Variants in KIF20B observed in about 807,000 individuals in gnomAD.
KIF20B encodes kinesin-like protein KIF20B.
KIF20B carries 188 observed loss-of-function variants against 232.5 expected under a neutral mutation model. That is an observed-to-expected ratio of 0.81 (90% confidence interval 0.72 to 0.91). The LOEUF (loss-of-function observed/expected upper bound fraction) is 0.91, where lower values mean the gene tolerates loss of function less well. KIF20B is among the 40% of genes least tolerant of loss of function. The pLI is 0.00. For missense variants in KIF20B, 2,154 were observed against 2,055.9 expected, an observed-to-expected ratio of 1.05 and a Z score of -0.92; for synonymous variants, 712 against 683.0, an observed-to-expected ratio of 1.04 and a Z score of -0.66.
At chr10:89,748,070 C>T (rs532354519) in intron 23 of KIF20B, among the ~76,000 whole-genome samples, 14 of 152,300 alleles carry the variant, frequency 9.2e-5, no homozygotes, top group Admixed American at 7.2e-4. Context: ...AGTGCAGTGG[C>T]ACAATCTCAG....
chr10:89,766,349 GAGA>G (rs1374105426), intron 29 of KIF20B: 1 of 154,024 alleles, frequency 6.5e-6, no homozygotes, highest in Admixed American at 6.6e-5. Flanking sequence ...GACAAATTGA[GAGA>G]AGAAGGCTTC....
Position 89,771,659 on chromosome 10 carries a change from G to C in KIF20B, c.5243-1030G>C, listed in dbSNP as rs1377230211. Among the ~76,000 whole-genome samples, 3 of 151,992 alleles carry C rather than the reference G, an allele frequency of 2.0e-5. No individual in the cohort carries two copies. The East Asian group carries it at 5.8e-4, about 29-fold the overall frequency. ...GGCCTTCTTATGGAGGGGAACAGGA[G>C]GGGGAACCTTGAAGACGCTTTTCTC... On this transcript the variant is annotated intron_variant, in intron 31 of 32. Coordinates refer to ENST00000371728, the MANE Select transcript of KIF20B (RefSeq NM_001284259.2).
chr10:89,773,281 C>T (rs1352942481), intron 32 of KIF20B, among the ~76,000 whole-genome samples: 1 of 151,966 alleles, frequency 6.6e-6, no homozygotes, highest in Non-Finnish European at 1.5e-5. Context: ...ATGATTCATT[C>T]TCCTGATTCA....
At chr10:89,740,434 A>G (rs1841772761) in intron 21 of KIF20B, among the ~76,000 whole-genome samples, 1 of 152,130 alleles carries the variant, frequency 6.6e-6, no homozygotes, top group Admixed American at 6.5e-5. Flanking sequence ...TGTGCTCACC[A>G]AGTGGGACAC....
At chr10:89,702,907 G>A (rs1210287819) in intron 1 of KIF20B, among the ~76,000 whole-genome samples, 1 of 152,176 alleles carries the variant, frequency 6.6e-6, no homozygotes, top group Non-Finnish European at 1.5e-5. Flanking sequence ...TTCCAGTTTA[G>A]TTGGGAAGGC....
chr10:89,757,040 G>GTGTGTGTGTGTGTGTATATATATATA (rs1301847520), intron 26 of KIF20B, among the ~76,000 whole-genome samples: 98 of 110,634 alleles, frequency 8.9e-4, no homozygotes, highest in African/African-American at 3.1e-3. Context: ...GTGTGTGTGT[G>GTGTGTGTGTGTGTGTATATATATATA]TATATATATA....
intron 25 of KIF20B, among the ~76,000 whole-genome samples, chr10:89,753,303 T>C (rs909893505): frequency 2.0e-5 from 3 of 152,170 alleles, no homozygotes; most frequent in African/African-American, 7.2e-5. Context: ...CATAATAGTT[T>C]TGGGAGATTG....
At chr10:89,752,470 C>G (rs1842040595) in intron 24 of KIF20B, 97 bp from the exon 25 acceptor site, 3 of 820,820 alleles carry the variant, frequency 3.7e-6, no homozygotes, top group Admixed American at 7.2e-5. Context: ...TTTATCTGGG[C>G]TCTACTGATT....
In KIF20B at chr10:89,738,008, G is replaced by T. The variant is rs765680007; in HGVS notation, c.3167G>T (p.Ser1056Ile). Residue 1056 changes from serine (S) to isoleucine (I), a missense_variant, in exon 20 of 33, where the codon AGT (serine) becomes ATT (isoleucine). Coordinates refer to ENST00000371728, the MANE Select transcript of KIF20B (RefSeq NM_001284259.2). ...AATAGGGAAAATTCTTTCCACTCTA[G>T]TATTGAAGCTATTTGGGAAGAATGT... ...EPNRENSFHS[S>I]IEAIWEECKE... is the part of the protein sequence containing the mutation. 1.9e-6 allele frequency: 3 copies of T among 1,613,332 alleles called. No homozygotes were observed. Among genetic ancestry groups the T allele is most frequent in the Non-Finnish European group, 2.5e-6 (3 of 1,179,492 alleles).
At chr10:89,728,382 C>T (rs926522250) in intron 17 of KIF20B, among the ~76,000 whole-genome samples, 7 of 152,160 alleles carry the variant, frequency 4.6e-5, no homozygotes, top group African/African-American at 1.7e-4. Context: ...TAGACTGTTA[C>T]TTTATGTATG....
chr10:89,713,677 TAATA>T (rs1335042904), intron 6 of KIF20B, among the ~76,000 whole-genome samples: 1 of 152,162 alleles, frequency 6.6e-6, no homozygotes, highest in East Asian at 1.9e-4. Flanking sequence ...AAATGTTTAA[TAATA>T]AGGGAATAAT....
intron 24 of KIF20B, among the ~76,000 whole-genome samples, chr10:89,751,696 C>G (rs560155482): frequency 2.0e-5 from 3 of 151,712 alleles, no homozygotes; most frequent in South Asian, 4.2e-4. Flanking sequence ...TGATAACTTA[C>G]GAATTATATA....
intron 7 of KIF20B, 136 bp downstream of exon 7, chr10:89,714,219 G>A (rs1314942004): frequency 9.1e-6 from 3 of 330,930 alleles, no homozygotes; most frequent in East Asian, 1.1e-4. Context: ...GGTGGCTCAT[G>A]CCTGTAATCC....
chr10:89,741,608 T>G (rs1362440716), intron 21 of KIF20B, among the ~76,000 whole-genome samples: 1 of 152,240 alleles, frequency 6.6e-6, no homozygotes, highest in Non-Finnish European at 1.5e-5. Context: ...TGTTTTTAAC[T>G]TCCATTTTGT....
intron 18 of KIF20B, among the ~76,000 whole-genome samples, chr10:89,731,957 C>T (rs771305561): frequency 2.0e-5 from 3 of 152,114 alleles, no homozygotes; most frequent in African/African-American, 4.8e-5. Context: ...GCTGATTAAG[C>T]GGCACTCTAT....
Position 89,774,252 on chromosome 10 carries a change from A to G in KIF20B, c.*204A>G, listed in dbSNP as rs1842524258. On this transcript the variant is annotated 3_prime_UTR_variant, in exon 33 of 33. Transcript: ENST00000371728. Reference sequence around the variant, plus strand: ...GCTTTTTTATAATAGCTTCTTTCAAACTGTATTTCCCTATTATCTCAGACA... The same window carrying G: ...GCTTTTTTATAATAGCTTCTTTCAAGCTGTATTTCCCTATTATCTCAGACA... 3 of 338,938 alleles carry G rather than the reference A, an allele frequency of 8.9e-6. No individual in the cohort carries two copies. The South Asian group carries it at 3.6e-4, about 41-fold the overall frequency. The allele number at this position is 338,938 out of a possible 1,614,324, so 21.0% of individuals were successfully genotyped here.
At chr10:89,762,209 A>G (rs1038632011) in intron 28 of KIF20B, among the ~76,000 whole-genome samples, 8 of 152,164 alleles carry the variant, frequency 5.3e-5, no homozygotes, top group Admixed American at 4.6e-4. Flanking sequence ...CCTATTGGCT[A>G]TAAGGCCCAA....
At position 89,723,990 on chromosome 10, in the gene KIF20B, G is replaced by T; in HGVS notation, c.1749G>T (p.Leu583Phe). 1.3e-6 allele frequency: 2 copies of T among 1,534,888 alleles called. No homozygotes were observed. The highest frequency in any genetic ancestry group is 1.8e-6 in the Non-Finnish European group (2 of 1,141,850). Reference protein sequence around the residue: ...KRKLLDLIEDLKKKLINEKKE... With the variant: ...KRKLLDLIEDFKKKLINEKKE... ...AACTGTTGGACTTAATAGAAGACTT[G>T]AAAAAAAAACTGATAAATGAAAAAA... The change falls in exon 14 of 33, where the codon TTG becomes TTT. Residue 583 changes from leucine (L) to phenylalanine (F), a missense_variant. Coordinates refer to ENST00000371728, the MANE Select transcript of KIF20B (RefSeq NM_001284259.2).
At chr10:89,748,714 C>G (rs1018540009) in intron 23 of KIF20B, among the ~76,000 whole-genome samples, 1 of 152,092 alleles carries the variant, frequency 6.6e-6, no homozygotes, top group South Asian at 2.1e-4. Context: ...CTTTGTCCCT[C>G]TTGGTGAATG....
Sources: gnomAD v4.1 joint callset for allele counts (sites outside exome capture counted in the v4.1 genomes callset) on GRCh38, gnomAD v4.1.1 for gene constraint, MANE v1.5 for transcripts, NCBI Gene and HGNC (gene_info 2026-07-23, HGNC 2026-07-21) for gene names.